IL6ST: variants seen among roughly 807,000 people sequenced by gnomAD.
The protein encoded by IL6ST is interleukin 6 cytokine family signal transducer.
In IL6ST, 24 loss-of-function variants were observed where a neutral mutation model predicts 91.3. The observed-to-expected ratio is 0.26, with a 90% confidence interval of 0.19 to 0.37. IL6ST has a LOEUF of 0.37. Among genes scored for constraint, IL6ST ranks in the 10% least tolerant of loss-of-function variants. IL6ST has a pLI of 1.00. For synonymous variants in IL6ST, 351 were observed against 373.6 expected (o/e 0.94, Z 0.70); for missense variants, 914 against 1,078.5 (o/e 0.85, Z 2.14).
intron 1 of IL6ST, among the ~76,000 whole-genome samples, chr5:55,985,281 C>G (rs558349409): frequency 6.6e-6 from 1 of 152,098 alleles, no homozygotes; most frequent in East Asian, 1.9e-4. Context: ...TTTGGGAGGC[C>G]GAAGTGGGTA....
In IL6ST at chr5:55,936,641, G is replaced by GA; in HGVS notation, c.*4440dup. On this transcript the variant is annotated 3_prime_UTR_variant, in exon 17 of 17. Transcript: ENST00000381298. ...AGTCAGATGATAGTAACCACATACA[G>GA]AAAAAAAATTTGAACAAGTATTTAT... 4 of 194,880 alleles carry GA rather than the reference G, an allele frequency of 2.1e-5. No homozygotes were observed. The highest frequency in any genetic ancestry group is 4.3e-5 in the Non-Finnish European group (4 of 93,790). The allele number at this position is 194,880 out of a possible 1,614,324, so 12.1% of individuals were successfully genotyped here. A position where few individuals can be genotyped will look rare whatever the true frequency, so the allele number is the denominator to read the frequency against.
At chr5:55,984,704 G>A (rs181064340) in intron 1 of IL6ST, among the ~76,000 whole-genome samples, 2 of 152,114 alleles carry the variant, frequency 1.3e-5, no homozygotes, top group African/African-American at 4.8e-5. Context: ...ATTCCAAAAC[G>A]TTTTGAGCTC....
At chr5:55,964,446 A>G (rs1486738802) in intron 5 of IL6ST, 134 bp from the exon 6 acceptor site, 1 of 541,568 alleles carries the variant, frequency 1.8e-6, no homozygotes, top group African/African-American at 2.0e-5. Context: ...GCTGGTCACT[A>G]ACAAAATTTC....
chr5:55,968,257 C>A lies in IL6ST; in HGVS notation c.491+19G>T. On this transcript the variant is annotated intron_variant, in intron 5 of 16. Transcript: ENST00000381298. The stretch of plus-strand genomic sequence containing the variant: ...TAACTTTAATAAATCTAACATGAAA[C>A]AAATTTAAAATAACGTACCATTCAG... 1.3e-6 allele frequency: 2 copies of A among 1,556,230 alleles called. No individual in the cohort carries two copies. Among genetic ancestry groups the A allele is most frequent in the Non-Finnish European group, 1.7e-6 (2 of 1,155,698 alleles).
At chr5:55,966,789 C>G (rs752397626) in intron 5 of IL6ST, among the ~76,000 whole-genome samples, 10 of 152,050 alleles carry the variant, frequency 6.6e-5, no homozygotes, top group Non-Finnish European at 1.2e-4. Flanking sequence ...TTCAACTTTT[C>G]TGTTTGGAAA....
At position 55,936,744 on chromosome 5, in the gene IL6ST, A is replaced by C; in HGVS notation, c.*4338T>G. On this transcript the variant is annotated 3_prime_UTR_variant, in exon 17 of 17. Coordinates refer to ENST00000381298, the MANE Select transcript of IL6ST (RefSeq NM_002184.4). The stretch of plus-strand genomic sequence containing the variant: ...ATAACATTTGGAGTTATGTCAACAT[A>C]AAAATAGCTGTGGTTACAATTAGCA... The C allele has an allele frequency of 5.2e-6, 1 of 192,424 alleles. No homozygotes were observed. The highest frequency in any genetic ancestry group is 1.9e-4 in the South Asian group (1 of 5,178). The allele number at this position is 192,424 out of a possible 1,614,324, so 11.9% of individuals were successfully genotyped here. A position where few individuals can be genotyped will look rare whatever the true frequency, so the allele number is the denominator to read the frequency against.
At chr5:55,948,483 A>C (rs1284778338) in intron 14 of IL6ST, among the ~76,000 whole-genome samples, 1 of 152,096 alleles carries the variant, frequency 6.6e-6, no homozygotes, top group East Asian at 1.9e-4. Context: ...AATCAGTTAA[A>C]TGCTTGAGAA....
intron 6 of IL6ST, among the ~76,000 whole-genome samples, 182 bp from the exon 7 acceptor site, chr5:55,963,688 G>C (rs999119092): frequency 6.6e-6 from 1 of 151,766 alleles, no homozygotes; most frequent in Non-Finnish European, 1.5e-5. Context: ...GATTTCTAAA[G>C]AATCTTCAGT....
chr5:55,983,087 C>T (rs1364676289), intron 1 of IL6ST, among the ~76,000 whole-genome samples: 3 of 150,856 alleles, frequency 2.0e-5, no homozygotes, highest in African/African-American at 7.3e-5. Flanking sequence ...GCAGCTTGAA[C>T]TTCCCAGGCT....
At position 55,963,386 on chromosome 5, in the gene IL6ST, T is replaced by C. The variant is rs1403616110; in HGVS notation, c.779A>G (p.Gln260Arg). The change falls in exon 7 of 17, where the codon CAA (glutamine) becomes CGA (arginine). Residue 260 changes from glutamine (Q) to arginine (R), a missense_variant. Transcript: ENST00000381298. ...KSVIILKYNI[Q>R]YRTKDASTWS... is the part of the protein sequence containing the mutation. ...AGTTGAGGCATCTTTGGTCCTATAT[T>C]GAATGTTATATTTTAGTATTATAAC... is the stretch of plus-strand genomic sequence containing the variant. 2 of 1,602,192 alleles carry C rather than the reference T, an allele frequency of 1.2e-6. No individual in the cohort carries two copies. The highest frequency in any genetic ancestry group is 1.7e-6 in the Non-Finnish European group (2 of 1,173,380).
At position 55,940,584 on chromosome 5, in the gene IL6ST, G is replaced by A. The variant is rs565352855; in HGVS notation, c.*498C>T. 11 of 213,846 alleles carry A rather than the reference G, an allele frequency of 5.1e-5. No individual in the cohort carries two copies. In the East Asian group the frequency reaches 7.7e-4, roughly 15 times the overall value. 13.2% of individuals were successfully genotyped at this position (213,846 alleles called of 1,614,324 possible). A position where few individuals can be genotyped will look rare whatever the true frequency, so the allele number is the denominator to read the frequency against. On this transcript the variant is annotated 3_prime_UTR_variant, in exon 17 of 17. Transcript: ENST00000381298. ...TTTTTTGTCAGATTACAAAAGCTGGGCTCATGTAGTTATGGCCTATGGACC... is the reference window on the plus strand; with the variant it reads ...TTTTTTGTCAGATTACAAAAGCTGGACTCATGTAGTTATGGCCTATGGACC...
In IL6ST at chr5:55,935,433, A is replaced by G. The variant is rs913404995; in HGVS notation, c.*5649T>C. The G allele has an allele frequency of 4.8e-6, 1 of 207,028 alleles. No homozygotes were observed. Among genetic ancestry groups the G allele is most frequent in the Admixed American group, 5.9e-5 (1 of 16,834 alleles). 12.8% of individuals were successfully genotyped at this position (207,028 alleles called of 1,614,324 possible). A position where few individuals can be genotyped will look rare whatever the true frequency, so the allele number is the denominator to read the frequency against. On this transcript the variant is annotated 3_prime_UTR_variant, in exon 17 of 17. Transcript: ENST00000381298. ...TAGCTATATTTAAAAACAAATATTG[A>G]ATTTTGAGTTGAAAGGTACATTTTC...
rs1561209760 is a variant in IL6ST at position 55,990,445 on chromosome 5, T to C, written c.-104+4339A>G. On this transcript the variant is annotated intron_variant, in intron 1 of 16. Transcript: ENST00000381298. ...AGTTGAATTCTTTCCTTTATCCTCTTTCTTGTCTCCTTTACTGAATTCTCT... is the reference window on the plus strand; with the variant it reads ...AGTTGAATTCTTTCCTTTATCCTCTCTCTTGTCTCCTTTACTGAATTCTCT... Among the ~76,000 whole-genome samples, 3 of 152,338 alleles carry C rather than the reference T, an allele frequency of 2.0e-5. No homozygotes were observed. The East Asian group carries it at 5.8e-4, about 29-fold the overall frequency.
chr5:55,968,445 A>G (rs1455931815), intron 4 of IL6ST, 49 bp from the exon 5 acceptor site: 1 of 1,566,360 alleles, frequency 6.4e-7, no homozygotes, highest in African/African-American at 1.4e-5. Context: ...ATCCACAAAT[A>G]TTATGCAATT....
chr5:55,945,648 C>CTTTTTTTTTTT lies in IL6ST; in HGVS notation c.1937+1834_1937+1844dup, dbSNP rs70995749. ...ACTTCATCAAAATAAAAAACTTATG[C>CTTTTTTTTTTT]TTTTTTTTTTTTTTTTTTTTTTTTT... On this transcript the variant is annotated intron_variant, in intron 15 of 16. Transcript: ENST00000381298. 1.2e-4 allele frequency among the ~76,000 whole-genome samples: 5 copies of CTTTTTTTTTTT among 41,680 alleles called. 1 individual carries two copies. The highest frequency in any genetic ancestry group is 5.0e-4 in the African/African-American group (5 of 10,018). 27.3% of individuals were successfully genotyped at this position (41,680 alleles called of 152,430 possible). A position where few individuals can be genotyped will look rare whatever the true frequency, so the allele number is the denominator to read the frequency against.
chr5:55,955,041 A>T, intron 10 of IL6ST, 49 bp from the exon 11 acceptor site: 1 of 1,280,192 alleles, frequency 7.8e-7, no homozygotes, highest in Non-Finnish European at 1.1e-6. Flanking sequence ...AACAAATTTG[A>T]AATTTCCATA....
Position 55,939,658 on chromosome 5 carries a change from T to TA in IL6ST, c.*1423dup, listed in dbSNP as rs1303596161. On this transcript the variant is annotated 3_prime_UTR_variant, in exon 17 of 17. Coordinates refer to ENST00000381298, the MANE Select transcript of IL6ST (RefSeq NM_002184.4). Reference sequence around the variant, plus strand: ...CTAATAACGCTTGCTAATTTCCTCTTACTTTCTAAGAAAACCCCTATATTT... The same window carrying TA: ...CTAATAACGCTTGCTAATTTCCTCTTAACTTTCTAAGAAAACCCCTATATTT... 3 of 206,150 alleles carry TA rather than the reference T, an allele frequency of 1.5e-5. No individual in the cohort carries two copies. Among genetic ancestry groups the TA allele is most frequent in the African/African-American group, 6.8e-5 (3 of 43,888 alleles). 12.8% of individuals were successfully genotyped at this position (206,150 alleles called of 1,614,324 possible).
intron 5 of IL6ST, 109 bp from the exon 6 acceptor site, chr5:55,964,421 CTT>C: frequency 1.5e-6 from 1 of 651,434 alleles, no homozygotes; most frequent in East Asian, 3.2e-5. Flanking sequence ...TTGTAGCAAA[CTT>C]TGCAATATAA....
chr5:55,958,684 C>A (rs546800906), intron 8 of IL6ST, among the ~76,000 whole-genome samples: 10 of 151,724 alleles, frequency 6.6e-5, no homozygotes, highest in African/African-American at 2.2e-4. Context: ...CAAAAAAATA[C>A]AAAAATTTGC....
Sources: allele counts gnomAD v4.1 joint callset (sites outside exome capture counted in the v4.1 genomes callset), GRCh38; gene constraint gnomAD v4.1.1; transcripts MANE v1.5; gene names NCBI Gene and HGNC (gene_info 2026-07-23, HGNC 2026-07-21).